The following GPR39 variants were observed in gnomAD, a reference collection of about 807,000 sequenced individuals.
GPR39 encodes the protein G protein-coupled receptor 39, also known as zinc sensing receptor.
In GPR39, 23 loss-of-function variants were observed where a neutral mutation model predicts 18.4. That is an observed-to-expected ratio of 1.25 (90% CI 0.90 to 1.77). GPR39 has a LOEUF of 1.77. Among genes scored for constraint, GPR39 ranks in the 40% most tolerant of loss-of-function variants. The probability of loss-of-function intolerance (pLI) is 0.00; values close to 1 mark genes in which losing one functional copy is unlikely to be tolerated. For synonymous variants in GPR39, 280 were observed against 257.9 expected (o/e 1.09, Z -0.82); for missense variants, 647 against 602.4 (o/e 1.07, Z -0.78).
intron 1 of GPR39, among the ~76,000 whole-genome samples, chr2:132,501,711 T>G (rs2104750923): frequency 6.6e-6 from 1 of 152,330 alleles, no homozygotes; most frequent in Non-Finnish European, 1.5e-5. Flanking sequence ...GCTATCTATC[T>G]CATTTCTTAG....
At chr2:132,636,707 A>C (rs887851766) in intron 1 of GPR39, among the ~76,000 whole-genome samples, 3 of 152,192 alleles carry the variant, frequency 2.0e-5, no homozygotes, top group African/African-American at 7.2e-5. Context: ...AGCATTCTAG[A>C]GTTTTAATTC....
In GPR39 at chr2:132,417,011, T is replaced by C. The variant is rs750803078; in HGVS notation, c.-32T>C. 7 of 1,601,168 alleles carry C rather than the reference T, an allele frequency of 4.4e-6. No homozygotes were observed. The Admixed American group carries it at 8.4e-5, about 19-fold the overall frequency. On this transcript the variant is annotated 5_prime_UTR_variant, in exon 1 of 2. Transcript: ENST00000329321. ...GGAGGAGAAAGGGAAGTTGAGAAAG[T>C]CTTTGGACCTGGTAGCCTGGTGCTC...
At chr2:132,540,029 T>C (rs1055242911) in intron 1 of GPR39, among the ~76,000 whole-genome samples, 2 of 152,092 alleles carry the variant, frequency 1.3e-5, no homozygotes, top group Admixed American at 6.5e-5. Flanking sequence ...AAGTTGCTAT[T>C]AAGAAGACCA....
intron 1 of GPR39, among the ~76,000 whole-genome samples, chr2:132,434,200 T>C (rs927459752): frequency 6.6e-6 from 1 of 152,136 alleles, no homozygotes; most frequent in Non-Finnish European, 1.5e-5. Context: ...GAAGTGAGCA[T>C]CAAGATTTAA....
chr2:132,569,072 G>A (rs538409155), intron 1 of GPR39, among the ~76,000 whole-genome samples: 1 of 152,206 alleles, frequency 6.6e-6, no homozygotes, highest in Admixed American at 6.5e-5. Flanking sequence ...AAGGGTTGTT[G>A]CTATGGTTCC....
chr2:132,597,328 C>T (rs1190532546), intron 1 of GPR39, among the ~76,000 whole-genome samples: 3 of 152,216 alleles, frequency 2.0e-5, no homozygotes, highest in Non-Finnish European at 2.9e-5. Context: ...AGCTTCTAAA[C>T]TTCTGCAAAC....
chr2:132,417,640 G>T lies in GPR39; in HGVS notation c.598G>T (p.Glu200Ter), dbSNP rs371700670. 85 of 1,613,970 alleles carry T rather than the reference G, an allele frequency of 5.3e-5. 1 individual carries two copies. In the South Asian group the frequency reaches 9.3e-4, roughly 18 times the overall value. ...TCNRSSTRHH[E>*]QPETSNMSIC... ...CAACCGCTCCAGCACCCGCCACCAC[G>T]AGCAGCCCGAGACCTCCAATATGTC... is the stretch of plus-strand genomic sequence containing the variant. The change falls in exon 1 of 2, where the codon GAG becomes TAG. Residue 200 changes from glutamate (E) to a stop codon, truncating the protein, a stop_gained. Coordinates refer to ENST00000329321, the MANE Select transcript of GPR39 (RefSeq NM_001508.3). LOFTEE classifies it high-confidence loss of function.
chr2:132,630,453 A>C (rs1186395774), intron 1 of GPR39, among the ~76,000 whole-genome samples: 1 of 152,202 alleles, frequency 6.6e-6, no homozygotes, highest in East Asian at 1.9e-4. Context: ...TACAGCAAGG[A>C]AAGAAGGAAG....
chr2:132,452,451 C>T (rs1278218755), intron 1 of GPR39, among the ~76,000 whole-genome samples: 1 of 151,714 alleles, frequency 6.6e-6, no homozygotes, highest in African/African-American at 2.4e-5. Context: ...TTTTTTCAAT[C>T]ACTGTTCTTT....
chr2:132,485,895 G>A (rs1187070758), intron 1 of GPR39, among the ~76,000 whole-genome samples: 6 of 152,102 alleles, frequency 3.9e-5, no homozygotes, highest in African/African-American at 1.4e-4. Flanking sequence ...TCTAGAATGG[G>A]GAATTCTTTC....
chr2:132,541,711 G>A (rs551999327), intron 1 of GPR39, among the ~76,000 whole-genome samples: 39 of 152,310 alleles, frequency 2.6e-4, no homozygotes, highest in African/African-American at 8.4e-4. Flanking sequence ...ACGGCCCCCT[G>A]TGCAGGATAC....
intron 1 of GPR39, among the ~76,000 whole-genome samples, chr2:132,525,017 G>C (rs576926778): frequency 2.6e-5 from 4 of 152,228 alleles, no homozygotes; most frequent in African/African-American, 9.6e-5. Context: ...ACATTTGTCT[G>C]TGTGGGACCC....
chr2:132,545,425 T>G (rs1298494381), intron 1 of GPR39, among the ~76,000 whole-genome samples: 1 of 152,238 alleles, frequency 6.6e-6, no homozygotes. Flanking sequence ...CATGTTCTAT[T>G]GTGCACCATG....
At chr2:132,465,198 A>G (rs994195191) in intron 1 of GPR39, among the ~76,000 whole-genome samples, 8 of 152,172 alleles carry the variant, frequency 5.3e-5, no homozygotes, top group East Asian at 1.9e-4. Flanking sequence ...CAAAAAAAAA[A>G]GAAAGAAGTC....
intron 1 of GPR39, among the ~76,000 whole-genome samples, chr2:132,632,113 C>T (rs545239216): frequency 2.0e-5 from 3 of 152,076 alleles, no homozygotes; most frequent in Admixed American, 6.6e-5. Context: ...TCACTGGACC[C>T]GGTCAAATGA....
intron 1 of GPR39, among the ~76,000 whole-genome samples, chr2:132,583,382 C>CAAA (rs10707930): frequency 1.4e-5 from 2 of 143,342 alleles, no homozygotes; most frequent in Non-Finnish European, 1.5e-5. Context: ...ACATATCCCT[C>CAAA]AAAAAAAAAA....
intron 1 of GPR39, among the ~76,000 whole-genome samples, chr2:132,621,503 G>A (rs1038826514): frequency 1.3e-5 from 2 of 152,206 alleles, no homozygotes; most frequent in Non-Finnish European, 2.9e-5. Context: ...TTCAGAACCT[G>A]TTCTACCATC....
intron 1 of GPR39, among the ~76,000 whole-genome samples, chr2:132,517,110 A>G (rs1679348875): frequency 6.6e-6 from 1 of 152,092 alleles, no homozygotes; most frequent in Non-Finnish European, 1.5e-5. Flanking sequence ...TTTTCAAGGT[A>G]CTAAATGTAA....
chr2:132,643,856 GCA>G lies in GPR39; in HGVS notation c.857-1244_857-1243del, dbSNP rs1681923407. Among the ~76,000 whole-genome samples the G allele has an allele frequency of 2.6e-5, 4 of 152,310 alleles. No homozygotes were observed. In the South Asian group the frequency reaches 8.3e-4, roughly 32 times the overall value. On this transcript the variant is annotated intron_variant, in intron 1 of 1. Transcript: ENST00000329321. Reference sequence around the variant, plus strand: ...ATAGAATATTTACCATGGGTCATAGGCAGGAAGCATTCATTGCCAACTGTCAC... The same window carrying G: ...ATAGAATATTTACCATGGGTCATAGGGGAAGCATTCATTGCCAACTGTCAC...
Sources: gnomAD v4.1 joint callset for allele counts (sites outside exome capture counted in the v4.1 genomes callset) on GRCh38, gnomAD v4.1.1 for gene constraint, MANE v1.5 for transcripts, NCBI Gene and HGNC (gene_info 2026-07-23, HGNC 2026-07-21) for gene names.